Variants in HNRNPR observed in about 807,000 individuals in gnomAD.
HNRNPR encodes the protein heterogeneous nuclear ribonucleoprotein R.
In HNRNPR, 4 loss-of-function variants were observed where a neutral mutation model predicts 70.3. The ratio of observed to expected loss-of-function variants is 0.06; its 90% confidence interval spans 0.03 to 0.13. The LOEUF (loss-of-function observed/expected upper bound fraction) is 0.13. Among genes scored for constraint, HNRNPR ranks in the 10% least tolerant of loss-of-function variants. HNRNPR has a pLI of 1.00. For missense variants in HNRNPR, 423 were observed against 788.5 expected, an observed-to-expected ratio of 0.54 and a Z score of 5.55; for synonymous variants, 241 against 267.6, an observed-to-expected ratio of 0.90 and a Z score of 0.97.
At chr1:23,324,392 C>T (rs911160002) in intron 5 of HNRNPR, among the ~76,000 whole-genome samples, 1 of 151,944 alleles carries the variant, frequency 6.6e-6, no homozygotes. Context: ...CATGGTGAAA[C>T]CCCGTCTCCA....
intron 5 of HNRNPR, among the ~76,000 whole-genome samples, chr1:23,331,527 C>A (rs950961573): frequency 6.6e-6 from 1 of 151,826 alleles, no homozygotes; most frequent in Admixed American, 6.6e-5. Flanking sequence ...ACTAAAAATA[C>A]CAAAACTACA....
At chr1:23,317,861 T>C (rs1645610278) in intron 8 of HNRNPR, among the ~76,000 whole-genome samples, 2 of 151,856 alleles carry the variant, frequency 1.3e-5, no homozygotes, top group Admixed American at 1.3e-4. Flanking sequence ...GCGCCTGTAG[T>C]CCCAGCTACT....
intron 4 of HNRNPR, among the ~76,000 whole-genome samples, chr1:23,337,325 T>A (rs547770287): frequency 1.3e-5 from 2 of 152,188 alleles, no homozygotes; most frequent in Non-Finnish European, 2.9e-5. Flanking sequence ...TCTTATGTAA[T>A]TCCTCTAAAT....
intron 5 of HNRNPR, among the ~76,000 whole-genome samples, chr1:23,332,593 G>C (rs1270691401): frequency 1.3e-5 from 2 of 151,502 alleles, no homozygotes; most frequent in Non-Finnish European, 2.9e-5. Context: ...CCAGTTACTT[G>C]GGAGGCTGAG....
intron 5 of HNRNPR, among the ~76,000 whole-genome samples, chr1:23,331,844 A>G: frequency 7.4e-6 from 1 of 134,628 alleles, no homozygotes; most frequent in African/African-American, 3.6e-5. Flanking sequence ...TAAAAAAAAA[A>G]AAAAAAAAAA....
intron 4 of HNRNPR, among the ~76,000 whole-genome samples, chr1:23,333,917 T>G (rs565919639): frequency 5.3e-5 from 8 of 152,244 alleles, no homozygotes; most frequent in African/African-American, 1.9e-4. Flanking sequence ...CTACTGTCTT[T>G]TCTTCTTTTT....
rs113797195 is a variant in HNRNPR at position 23,332,429 on chromosome 1, G to A, written c.498+1089C>T. Among the ~76,000 whole-genome samples the A allele has an allele frequency of 1.0e-2, 1,503 of 150,374 alleles. 26 individuals carry two copies. Among genetic ancestry groups the A allele is most frequent in the African/African-American group, 0.03 (1,230 of 40,974 alleles). On this transcript the variant is annotated intron_variant, in intron 5 of 10. Transcript: ENST00000302271. ...TAAAAAAAAAAAAACTTGGCCAGGC[G>A]CGGTGGCTCACGCCTGTAATCCCAG...
intron 4 of HNRNPR, among the ~76,000 whole-genome samples, chr1:23,335,888 C>T (rs1005487658): frequency 2.0e-5 from 3 of 147,048 alleles, no homozygotes; most frequent in Admixed American, 6.7e-5. Flanking sequence ...GAGGCTGAGG[C>T]GGGCGGATCA....
Position 23,318,249 on chromosome 1 carries a change from G to GA in HNRNPR, c.1017+233dup, listed in dbSNP as rs1645626937. On this transcript the variant is annotated intron_variant, in intron 8 of 10. Coordinates refer to ENST00000302271, the MANE Select transcript of HNRNPR (RefSeq NM_005826.5). This position sits in a 1 kb window ranked among gnomAD's most constrained non-coding sequence, Gnocchi z 4.2. ...TGTGTATGGGACTACTTAATTGAAGGAATTTCATTTCAGTTCCTTTTGCAC... is the reference window on the plus strand; with the variant it reads ...TGTGTATGGGACTACTTAATTGAAGGAAATTTCATTTCAGTTCCTTTTGCAC... Among the ~76,000 whole-genome samples the GA allele has an allele frequency of 6.6e-6, 1 of 151,490 alleles. No individual in the cohort carries two copies. Among genetic ancestry groups the GA allele is most frequent in the Non-Finnish European group, 1.5e-5 (1 of 67,910 alleles).
intron 5 of HNRNPR, among the ~76,000 whole-genome samples, chr1:23,330,222 T>C (rs1281110898): frequency 6.6e-6 from 1 of 152,036 alleles, no homozygotes; most frequent in Non-Finnish European, 1.5e-5. Flanking sequence ...AGAATACTGC[T>C]TACATTAATG....
rs762545797 is a variant in HNRNPR, at chr1:23,321,487, A to AT, written c.811+40dup. The AT allele has an allele frequency of 2.2e-5, 35 of 1,574,252 alleles. No individual in the cohort carries two copies. In the South Asian group the frequency reaches 3.6e-4, roughly 16 times the overall value. On this transcript the variant is annotated intron_variant, in intron 7 of 10. Coordinates refer to ENST00000302271, the MANE Select transcript of HNRNPR (RefSeq NM_005826.5). ...TTTGAGCACTTGTAAGTAGTACAACATATTTCGCAAAAGTAATTTCTAAAT... is the reference window on the plus strand; with the variant it reads ...TTTGAGCACTTGTAAGTAGTACAACATTATTTCGCAAAAGTAATTTCTAAAT...
At chr1:23,321,814 T>C (rs1330149273) in intron 6 of HNRNPR, 151 bp from the exon 7 acceptor site, 1 of 674,440 alleles carries the variant, frequency 1.5e-6, no homozygotes, top group African/African-American at 1.8e-5. Context: ...TGAATGTATA[T>C]TTTAAACTTC....
chr1:23,318,457 T>TGCC lies in HNRNPR; in HGVS notation c.1017+23_1017+25dup. ...GTACAAAATTTAAATGATGACCCTATGCCCATTCCAAGCAACTGTATTTAC... is the reference window on the plus strand; with the variant it reads ...GTACAAAATTTAAATGATGACCCTATGCCGCCCATTCCAAGCAACTGTATTTAC... On this transcript the variant is annotated intron_variant, in intron 8 of 10. Transcript: ENST00000302271. The surrounding 1 kb of genome is among the most constrained non-coding windows in gnomAD (Gnocchi z 4.2). 1 of 1,558,104 alleles carries TGCC rather than the reference T, an allele frequency of 6.4e-7. No homozygotes were observed. The highest frequency in any genetic ancestry group is 1.1e-5 in the South Asian group (1 of 90,026).
chr1:23,322,202 A>AT (rs1211817658), intron 6 of HNRNPR, among the ~76,000 whole-genome samples: 2 of 152,100 alleles, frequency 1.3e-5, no homozygotes, highest in African/African-American at 4.8e-5. Flanking sequence ...GTTTTATTTA[A>AT]ATCACTATAG....
rs1217546048 is a variant in HNRNPR at position 23,309,420 on chromosome 1, T to A, written c.*1034A>T. ...GTCACAAATTATCCCTTATAAAGAA[T>A]GTGGGTCAAAATAAATTGCAGTCTG... is the stretch of plus-strand genomic sequence containing the variant. On this transcript the variant is annotated 3_prime_UTR_variant, in exon 11 of 11. Transcript: ENST00000302271. 3 of 152,090 alleles carry A rather than the reference T, an allele frequency of 2.0e-5. No individual in the cohort carries two copies. The highest frequency in any genetic ancestry group is 4.4e-5 in the Non-Finnish European group (3 of 67,972). 9.4% of individuals were successfully genotyped at this position (152,090 alleles called of 1,614,324 possible). A position where few individuals can be genotyped will look rare whatever the true frequency, so the allele number is the denominator to read the frequency against.
chr1:23,316,182 G>A (rs1026962487), intron 8 of HNRNPR, among the ~76,000 whole-genome samples: 7 of 152,254 alleles, frequency 4.6e-5, no homozygotes, highest in Middle Eastern at 3.4e-3. Flanking sequence ...GGAGCTGGAT[G>A]GGGTTGCAAG....
intron 5 of HNRNPR, among the ~76,000 whole-genome samples, chr1:23,326,746 T>C (rs1368776096): frequency 6.6e-6 from 1 of 152,110 alleles, no homozygotes; most frequent in East Asian, 1.9e-4. Flanking sequence ...GATCGCGCCA[T>C]TGCACCCCAG....
chr1:23,330,627 G>A (rs1271834765), intron 5 of HNRNPR, among the ~76,000 whole-genome samples: 1 of 152,198 alleles, frequency 6.6e-6, no homozygotes, highest in East Asian at 1.9e-4. Flanking sequence ...GAGTAGGTCT[G>A]AGAGCTCAGA....
chr1:23,334,717 C>A (rs564595911), intron 4 of HNRNPR, among the ~76,000 whole-genome samples: 17 of 152,238 alleles, frequency 1.1e-4, no homozygotes, highest in South Asian at 2.1e-4. Context: ...TAAGTAAAAT[C>A]TTGTGTTTCC....
Sources: gnomAD v4.1 joint callset for allele counts (sites outside exome capture counted in the v4.1 genomes callset) on GRCh38, gnomAD v4.1.1 for gene constraint, Gnocchi (gnomAD v3.1) non-coding constraint, MANE v1.5 for transcripts, NCBI Gene and HGNC (gene_info 2026-07-23, HGNC 2026-07-21) for gene names.